KCNN2: variants seen among roughly 807,000 people sequenced by gnomAD.
The protein encoded by KCNN2 is small conductance calcium-activated potassium channel protein 2.
KCNN2 carries 24 observed loss-of-function variants against 55.5 expected under a neutral mutation model. That is an observed-to-expected ratio of 0.43 (90% CI 0.31 to 0.61). The LOEUF is 0.61. Among genes scored for constraint, KCNN2 ranks in the 20% least tolerant of loss-of-function variants. The pLI, the probability that KCNN2 is intolerant of heterozygous loss-of-function variation, is 0.08. For missense variants in KCNN2, 754 were observed against 853.6 expected (o/e 0.88, Z 1.45); for synonymous variants, 431 against 336.1 (o/e 1.28, Z -3.09).
At chr5:114,474,919 A>G (rs1761901885) in intron 5 of KCNN2, among the ~76,000 whole-genome samples, 1 of 152,174 alleles carries the variant, frequency 6.6e-6, no homozygotes, top group South Asian at 2.1e-4. Flanking sequence ...AGAATCACAA[A>G]TAAGAAAGCC....
chr5:114,158,412 A>G (rs1275276523), intron 1 of KCNN2, among the ~76,000 whole-genome samples: 1 of 151,966 alleles, frequency 6.6e-6, no homozygotes, highest in Non-Finnish European at 1.5e-5. Flanking sequence ...GTAGCCTTGT[A>G]GTATAGTTTG....
At chr5:114,104,434 T>G (rs1032402280) in intron 1 of KCNN2, among the ~76,000 whole-genome samples, 1 of 152,186 alleles carries the variant, frequency 6.6e-6, no homozygotes, top group South Asian at 2.1e-4. Flanking sequence ...TGCTTTGATC[T>G]TAGTTATTTC....
At chr5:114,419,021 T>C (rs1759391518) in intron 3 of KCNN2, among the ~76,000 whole-genome samples, 1 of 152,258 alleles carries the variant, frequency 6.6e-6, no homozygotes, top group South Asian at 2.1e-4. Context: ...ATAATTTTTT[T>C]CGTAGCTCTT....
chr5:114,381,620 T>G (rs185980719), intron 2 of KCNN2, among the ~76,000 whole-genome samples: 1 of 152,364 alleles, frequency 6.6e-6, no homozygotes, highest in Admixed American at 6.5e-5. Flanking sequence ...CTTCTAATTC[T>G]TGATTTTACA....
At chr5:114,408,364 A>T (rs1759007142) in intron 3 of KCNN2, among the ~76,000 whole-genome samples, 4 of 152,062 alleles carry the variant, frequency 2.6e-5, no homozygotes, top group Admixed American at 2.0e-4. Flanking sequence ...ACCTGTTTAT[A>T]CCAGAAATTT....
exon 1 of KCNN2, chr5:114,056,159 G>C (rs1750200999): frequency 5.1e-6 from 2 of 390,494 alleles, no homozygotes; most frequent in Non-Finnish European, 9.0e-6. Flanking sequence ...GCGCCCAAAA[G>C]TTGGACCCCA....
intron 2 of KCNN2, among the ~76,000 whole-genome samples, chr5:114,375,954 A>G (rs1013048617): frequency 2.1e-3 from 125 of 59,146 alleles, no homozygotes; most frequent in African/African-American, 6.5e-3. Flanking sequence ...CTCACAGTGT[A>G]TATATATATA....
At chr5:114,440,945 A>G (rs909441517) in intron 3 of KCNN2, among the ~76,000 whole-genome samples, 8 of 152,176 alleles carry the variant, frequency 5.3e-5, no homozygotes, top group African/African-American at 1.9e-4. Context: ...AAAGCTTACA[A>G]GAGTTATAGC....
rs983555406 is a variant in KCNN2, at chr5:114,362,484, C to T, written c.345C>T (p.Cys115=). 3 of 463,868 alleles carry T rather than the reference C, an allele frequency of 6.5e-6. No individual in the cohort carries two copies. The highest frequency in any genetic ancestry group is 3.7e-5 in the East Asian group (1 of 26,812). The allele number at this position is 463,868 out of a possible 1,614,324, so 28.7% of individuals were successfully genotyped here. A position where few individuals can be genotyped will look rare whatever the true frequency, so the allele number is the denominator to read the frequency against. ...SPLSGSSCCC[C]CCSSRRGSQL... is the part of the protein sequence containing the mutation. ...TGTCGGGCTCGTCCTGCTGCTGCTG[C>T]TGCTGCTCGTCGCGCCGGGGCAGCC... The change falls in exon 1 of 8, where the codon TGC becomes TGT. Residue 115 remains cysteine (C), a synonymous_variant. Transcript: ENST00000673685.
At chr5:114,272,482 T>C (rs1472568000) in intron 2 of KCNN2, among the ~76,000 whole-genome samples, 5 of 151,990 alleles carry the variant, frequency 3.3e-5, no homozygotes, top group Admixed American at 6.6e-5. Flanking sequence ...CATATGTATG[T>C]ACATATCATA....
chr5:114,434,784 T>G (rs1451053774), intron 3 of KCNN2, among the ~76,000 whole-genome samples: 1 of 152,244 alleles, frequency 6.6e-6, no homozygotes, highest in Non-Finnish European at 1.5e-5. Context: ...TAGAAGGGGC[T>G]GAAGTGGGGG....
intron 1 of KCNN2, among the ~76,000 whole-genome samples, chr5:114,185,735 G>T (rs1454755032): frequency 6.6e-6 from 1 of 152,184 alleles, no homozygotes; most frequent in Non-Finnish European, 1.5e-5. Flanking sequence ...AATGAAAGTT[G>T]CATTTTATCT....
rs991955635 is a variant in KCNN2, at chr5:114,056,438, C to T, written c.-333C>T. On this transcript the variant is annotated 5_prime_UTR_variant, in exon 1 of 11. Transcript: ENST00000512097. ...CCACTGGCGCATTTCACCAAGGCCG[C>T]ATTTACCGCTTTGAGGCAAATTTGA... 5.0e-6 allele frequency: 2 copies of T among 398,628 alleles called. 1 individual carries two copies. Among genetic ancestry groups the T allele is most frequent in the South Asian group, 2.5e-4 (2 of 7,856 alleles). 24.7% of individuals were successfully genotyped at this position (398,628 alleles called of 1,614,324 possible).
chr5:114,452,899 C>T (rs1760756298), intron 3 of KCNN2, among the ~76,000 whole-genome samples: 2 of 152,132 alleles, frequency 1.3e-5, no homozygotes, highest in South Asian at 4.1e-4. Context: ...CTTATATGTT[C>T]TAATTAATTG....
intron 1 of KCNN2, among the ~76,000 whole-genome samples, chr5:114,073,543 G>A (rs1289325903): frequency 6.6e-6 from 1 of 152,062 alleles, no homozygotes; most frequent in Non-Finnish European, 1.5e-5. Context: ...AGTTCTTCAG[G>A]CCTGAATGAT....
chr5:114,312,426 CACACACACATATATATATATATATATAT>C (rs1222390290), intron 2 of KCNN2, among the ~76,000 whole-genome samples: 8 of 27,508 alleles, frequency 2.9e-4, no homozygotes, highest in East Asian at 2.6e-3. Context: ...CACACACACA[CACACACACATATATATATATATATATAT>C]ATATATATAT....
intron 2 of KCNN2, among the ~76,000 whole-genome samples, chr5:114,369,470 A>C (rs1303299603): frequency 6.6e-6 from 1 of 152,172 alleles, no homozygotes; most frequent in South Asian, 2.1e-4. Context: ...GATTGGTCTT[A>C]AGTTTTCTGC....
chr5:114,215,002 G>A (rs1580626486), intron 1 of KCNN2, among the ~76,000 whole-genome samples: 1 of 152,104 alleles, frequency 6.6e-6, no homozygotes, highest in African/African-American at 2.4e-5. Flanking sequence ...CAAGATCAGA[G>A]GAATTGTTTA....
At chr5:114,067,899 C>A (rs1750485227) in intron 1 of KCNN2, among the ~76,000 whole-genome samples, 1 of 152,194 alleles carries the variant, frequency 6.6e-6, no homozygotes, top group South Asian at 2.1e-4. Flanking sequence ...CCCCTCAGAT[C>A]ATTAATCAGA....
Sources: gnomAD v4.1 joint callset for allele counts (sites outside exome capture counted in the v4.1 genomes callset) on GRCh38, gnomAD v4.1.1 for gene constraint, MANE v1.5 for transcripts, NCBI Gene and HGNC (gene_info 2026-07-23, HGNC 2026-07-21) for gene names.